Variants in CXADR observed in about 807,000 individuals in gnomAD.
CXADR encodes coxsackievirus and adenovirus receptor.
In CXADR, 20 loss-of-function variants were observed where a neutral mutation model predicts 40.3. The observed-to-expected ratio is 0.50, with a 90% CI of 0.35 to 0.72. The LOEUF (loss-of-function observed/expected upper bound fraction) is 0.72, where lower values mean the gene tolerates loss of function less well. Ranked by LOEUF, CXADR falls within the 30% of genes least tolerant of loss-of-function variation. The probability of loss-of-function intolerance (pLI) is 0.01; values close to 1 mark genes in which losing one functional copy is unlikely to be tolerated. For synonymous variants in CXADR, 150 were observed against 161.3 expected, an observed-to-expected ratio of 0.93 and a Z score of 0.53; for missense variants, 332 against 449.1, an observed-to-expected ratio of 0.74 and a Z score of 2.36.
intron 1 of CXADR, chr21:17,543,073 A>G: frequency 2.9e-6 from 1 of 344,682 alleles, no homozygotes; most frequent in South Asian, 2.3e-5. Flanking sequence ...TTTTTGAAAG[A>G]AAAACAAAAA....
At chr21:17,516,825 C>T (rs1390919566) in intron 1 of CXADR, among the ~76,000 whole-genome samples, 1 of 151,970 alleles carries the variant, frequency 6.6e-6, no homozygotes, top group Non-Finnish European at 1.5e-5. Context: ...AGTGTTCTCA[C>T]CACAAAAAGT....
At chr21:17,531,692 A>T (rs1011703482) in intron 1 of CXADR, among the ~76,000 whole-genome samples, 1 of 152,216 alleles carries the variant, frequency 6.6e-6, no homozygotes, top group Non-Finnish European at 1.5e-5. Flanking sequence ...CACAGAGGAT[A>T]TCAGGTACAA....
chr21:17,632,770 G>A, the CXADR span, among the ~76,000 whole-genome samples: 23,214 of 152,098 alleles, frequency 0.15, 1,927 homozygotes, highest in Middle Eastern at 0.23. Flanking sequence ...TCAGGAGGCC[G>A]AGGCAGGAGA....
At chr21:17,565,349 T>C (rs879192303) in intron 6 of CXADR, 79 bp from the exon 7 acceptor site, 29 of 1,469,348 alleles carry the variant, frequency 2.0e-5, no homozygotes, top group South Asian at 1.7e-4. Flanking sequence ...CAGGCTCTTA[T>C]CCATGATTCA....
chr21:17,545,767 ATTTGGTTTTT>A lies in CXADR; in HGVS notation c.44-1255_44-1246del, dbSNP rs1206310348. Among the ~76,000 whole-genome samples the A allele has an allele frequency of 1.2e-4, 14 of 117,154 alleles. No individual in the cohort carries two copies. The East Asian group carries it at 2.5e-3, about 21-fold the overall frequency. 76.9% of individuals were successfully genotyped at this position (117,154 alleles called of 152,430 possible). Reference sequence around the variant, plus strand: ...GTCTCAAAAATAATATGAGTCAACTATTTGGTTTTTTTTGTTTTTTTTTTTTTTTGAGACA... The same window carrying A: ...GTCTCAAAAATAATATGAGTCAACTATTTGTTTTTTTTTTTTTTTGAGACA... On this transcript the variant is annotated intron_variant, in intron 1 of 6. Coordinates refer to ENST00000284878, the MANE Select transcript of CXADR (RefSeq NM_001338.5).
At position 17,567,925 on chromosome 21, in the gene CXADR, G is replaced by A. The variant is rs918198957; in HGVS notation, c.*2233G>A. On this transcript the variant is annotated 3_prime_UTR_variant, in exon 7 of 7. Coordinates refer to ENST00000284878, the MANE Select transcript of CXADR (RefSeq NM_001338.5). ...CTTCCCATATACTTCATATTTTAGA[G>A]GACATTGTTTTAAAGGCTTATGTCT... The A allele has an allele frequency of 1.5e-5, 15 of 981,474 alleles. No individual in the cohort carries two copies. Among genetic ancestry groups the A allele is most frequent in the Non-Finnish European group, 1.2e-6 (1 of 827,374 alleles). 60.8% of individuals were successfully genotyped at this position (981,474 alleles called of 1,614,324 possible). A position where few individuals can be genotyped will look rare whatever the true frequency, so the allele number is the denominator to read the frequency against.
chr21:17,550,731 A>G (rs1313509988), intron 2 of CXADR, among the ~76,000 whole-genome samples: 1 of 152,216 alleles, frequency 6.6e-6, no homozygotes, highest in Non-Finnish European at 1.5e-5. Flanking sequence ...TTCCAAGAAA[A>G]TATTCCAAAC....
At chr21:17,520,956 T>A (rs1292861067) in intron 1 of CXADR, among the ~76,000 whole-genome samples, 1 of 152,120 alleles carries the variant, frequency 6.6e-6, no homozygotes, top group South Asian at 2.1e-4. Context: ...TAAAAAAATA[T>A]CTGATAGGAA....
At chr21:17,513,228 C>G (rs211964) in intron 1 of CXADR, 56 bp downstream of exon 1, 257,450 of 1,332,720 alleles carry the variant, frequency 0.19, 25,983 homozygotes, top group Non-Finnish European at 0.21. Context: ...CGCTCGCTGC[C>G]CGCGGCCACC....
At chr21:17,559,667 GGGTT>G (rs1569128005) in intron 4 of CXADR, among the ~76,000 whole-genome samples, 1 of 16,526 alleles carries the variant, frequency 6.1e-5, no homozygotes, top group African/African-American at 1.7e-4. Flanking sequence ...ACTTTTTTTT[GGGTT>G]TTTTTTTTTT....
intron 1 of CXADR, 67 bp downstream of exon 1, chr21:17,513,239 C>G (rs2060413819): frequency 3.0e-6 from 4 of 1,319,110 alleles, no homozygotes; most frequent in Non-Finnish European, 3.9e-6. Flanking sequence ...CGCGGCCACC[C>G]AGGAACAATG....
At chr21:17,524,496 A>C (rs2060572296) in intron 1 of CXADR, among the ~76,000 whole-genome samples, 1 of 145,182 alleles carries the variant, frequency 6.9e-6, no homozygotes, top group Non-Finnish European at 1.5e-5. Context: ...GAATCGCTGG[A>C]ACCCGGGAGG....
chr21:17,569,064 G>T lies in CXADR; in HGVS notation c.*3372G>T, dbSNP rs1448674721. The T allele has an allele frequency of 2.0e-6, 2 of 985,396 alleles. No homozygotes were observed. Among genetic ancestry groups the T allele is most frequent in the East Asian group, 2.3e-4 (2 of 8,812 alleles). 61.0% of individuals were successfully genotyped at this position (985,396 alleles called of 1,614,324 possible). On this transcript the variant is annotated 3_prime_UTR_variant, in exon 7 of 7. Transcript: ENST00000284878. ...TAAAGGGGCAAGTAAACCTTTTGAT[G>T]AAATATAAAAGGAACTCATTGCATG... is the stretch of plus-strand genomic sequence containing the variant.
chr21:17,541,731 C>CA (rs1214002430), intron 1 of CXADR, among the ~76,000 whole-genome samples: 2 of 151,442 alleles, frequency 1.3e-5, no homozygotes, highest in Non-Finnish European at 2.9e-5. Context: ...TAAGTTTACT[C>CA]CATGTCTTTT....
chr21:17,568,593 A>C lies in CXADR; in HGVS notation c.*2901A>C, dbSNP rs1381863429. The C allele has an allele frequency of 1.0e-6, 1 of 962,772 alleles. No individual in the cohort carries two copies. Among genetic ancestry groups the C allele is most frequent in the African/African-American group, 2.0e-5 (1 of 51,028 alleles). The allele number at this position is 962,772 out of a possible 1,614,324, so 59.6% of individuals were successfully genotyped here. On this transcript the variant is annotated 3_prime_UTR_variant, in exon 7 of 7. Coordinates refer to ENST00000284878, the MANE Select transcript of CXADR (RefSeq NM_001338.5). ...TTTTTTTAAGAGATAGGGTTTCACT[A>C]TTGCTCAGGCTGGTCTCAAACTGCT...
chr21:17,519,249 C>G (rs767818530), intron 1 of CXADR, among the ~76,000 whole-genome samples: 1 of 152,224 alleles, frequency 6.6e-6, no homozygotes, highest in Non-Finnish European at 1.5e-5. Flanking sequence ...TTCATTGTTG[C>G]AGTCCCTGCA....
intron 1 of CXADR, among the ~76,000 whole-genome samples, chr21:17,523,939 ACCTCCG>A (rs2060562395): frequency 6.6e-6 from 1 of 151,598 alleles, no homozygotes; most frequent in African/African-American, 2.4e-5. Context: ...GTTCACTGCA[ACCTCCG>A]CCTCCCAGGT....
At chr21:17,545,946 A>G (rs2060891775) in intron 1 of CXADR, among the ~76,000 whole-genome samples, 1 of 151,724 alleles carries the variant, frequency 6.6e-6, no homozygotes, top group African/African-American at 2.4e-5. Flanking sequence ...TACCCAGCCA[A>G]TTTTGTATTT....
chr21:17,534,390 C>T (rs536857752), intron 1 of CXADR, among the ~76,000 whole-genome samples: 7 of 152,044 alleles, frequency 4.6e-5, no homozygotes, highest in African/African-American at 1.2e-4. Flanking sequence ...CCACGGCACC[C>T]GGCCTTAGCA....
Sources: gnomAD v4.1 joint callset for allele counts (sites outside exome capture counted in the v4.1 genomes callset) on GRCh38, gnomAD v4.1.1 for gene constraint, MANE v1.5 for transcripts, NCBI Gene and HGNC (gene_info 2026-07-23, HGNC 2026-07-21) for gene names.